RBFOX1: variants seen among roughly 807,000 people sequenced by gnomAD.
RBFOX1 encodes the protein RNA binding protein fox-1 homolog 1.
RBFOX1 carries 8 observed loss-of-function variants against 57.7 expected under a neutral mutation model. The observed-to-expected ratio is 0.14, with a 90% CI of 0.08 to 0.25. The LOEUF (loss-of-function observed/expected upper bound fraction) is 0.25. Among genes scored for constraint, RBFOX1 ranks in the 10% least tolerant of loss-of-function variants. The probability of loss-of-function intolerance (pLI) is 1.00; values close to 1 mark genes in which losing one functional copy is unlikely to be tolerated. For synonymous variants in RBFOX1, 326 were observed against 222.4 expected (o/e 1.47, Z -4.15); for missense variants, 611 against 548.5 (o/e 1.11, Z -1.14).
At chr16:6,159,187 C>T (rs1237849574) in intron 1 of RBFOX1, among the ~76,000 whole-genome samples, 10 of 152,212 alleles carry the variant, frequency 6.6e-5, no homozygotes, top group Admixed American at 3.3e-4. Flanking sequence ...AGCGACTCTC[C>T]TGCCTCGGCC....
chr16:5,899,875 A>C (rs1022881185), intron 4 of RBFOX1, among the ~76,000 whole-genome samples: 1 of 152,114 alleles, frequency 6.6e-6, no homozygotes, highest in Admixed American at 6.5e-5. Context: ...GGAGTTCGAG[A>C]CTAGCCTGGG....
At chr16:7,292,246 T>TATATCATATATC (rs747339632) in intron 4 of RBFOX1, among the ~76,000 whole-genome samples, 11,556 of 95,934 alleles carry the variant, frequency 0.12, 1,279 homozygotes, top group Non-Finnish European at 0.16. Context: ...TTATATATCA[T>TATATCATATATC]ATATATGATA....
intron 4 of RBFOX1, among the ~76,000 whole-genome samples, chr16:7,084,444 G>A (rs2059677642): frequency 6.6e-6 from 1 of 152,122 alleles, no homozygotes; most frequent in Non-Finnish European, 1.5e-5. Flanking sequence ...AATTTGCATG[G>A]ACCTAGTAAT....
chr16:5,433,574 A>G (rs542023952), intron 1 of RBFOX1, among the ~76,000 whole-genome samples: 3 of 152,302 alleles, frequency 2.0e-5, no homozygotes, highest in Non-Finnish European at 1.5e-5. Context: ...AAAGAGAGGG[A>G]CACAAAGAGA....
At chr16:5,728,939 A>G (rs1279794192) in intron 3 of RBFOX1, among the ~76,000 whole-genome samples, 1 of 152,182 alleles carries the variant, frequency 6.6e-6, no homozygotes. Context: ...CTCAACTGAT[A>G]GTGACAAACA....
chr16:7,638,019 C>T (rs954588933), intron 11 of RBFOX1, among the ~76,000 whole-genome samples: 8 of 152,110 alleles, frequency 5.3e-5, no homozygotes, highest in East Asian at 1.9e-4. Flanking sequence ...GTCTGCTCAT[C>T]GTGGATTTAA....
intron 1 of RBFOX1, among the ~76,000 whole-genome samples, chr16:6,232,351 A>G (rs2097469034): frequency 6.6e-6 from 1 of 152,218 alleles, no homozygotes; most frequent in African/African-American, 2.4e-5. Context: ...CTAATTCTCA[A>G]AGAAGGGAGG....
At chr16:5,880,674 C>T (rs1294081317) in intron 4 of RBFOX1, among the ~76,000 whole-genome samples, 1 of 152,110 alleles carries the variant, frequency 6.6e-6, no homozygotes, top group East Asian at 1.9e-4. Flanking sequence ...ATTGTGGATC[C>T]TGCAGATCCT....
rs116733569 is a variant in RBFOX1, at chr16:6,996,272, T to C, written c.-15-55785T>C. The stretch of plus-strand genomic sequence containing the variant: ...TAAATTCATATAAATACAATGATAT[T>C]GAGTATCTCTACTTTAGAATAACAC... On this transcript the variant is annotated intron_variant, in intron 3 of 15. Coordinates refer to ENST00000550418, the MANE Select transcript of RBFOX1 (RefSeq NM_018723.4). 8.8e-3 allele frequency among the ~76,000 whole-genome samples: 1,339 copies of C among 152,310 alleles called. 18 individuals carry two copies. The highest frequency in any genetic ancestry group is 0.03 in the African/African-American group (1,240 of 41,574).
At chr16:5,675,016 G>C (rs956936433) in intron 3 of RBFOX1, among the ~76,000 whole-genome samples, 3 of 152,074 alleles carry the variant, frequency 2.0e-5, no homozygotes, top group African/African-American at 7.2e-5. Context: ...AGCCATGGTG[G>C]TGTATGCCTG....
chr16:6,617,248 A>G (rs780621400), intron 2 of RBFOX1, among the ~76,000 whole-genome samples: 5 of 152,052 alleles, frequency 3.3e-5, no homozygotes, highest in Admixed American at 6.5e-5. Flanking sequence ...AATCAATTAC[A>G]TGAAGCAAAT....
chr16:7,190,937 C>A (rs376157322), intron 4 of RBFOX1, among the ~76,000 whole-genome samples: 3 of 149,994 alleles, frequency 2.0e-5, no homozygotes, highest in South Asian at 4.2e-4. Flanking sequence ...TTTTTTTTTC[C>A]TGGACTTCTC....
At chr16:7,690,712 G>A (rs752949469) in intron 14 of RBFOX1, among the ~76,000 whole-genome samples, 11 of 152,000 alleles carry the variant, frequency 7.2e-5, no homozygotes, top group African/African-American at 1.7e-4. Context: ...GGAGACATTC[G>A]TCTCTTTGAT....
chr16:5,708,925 A>G (rs1210358787), intron 3 of RBFOX1, among the ~76,000 whole-genome samples: 1 of 152,238 alleles, frequency 6.6e-6, no homozygotes, highest in African/African-American at 2.4e-5. Flanking sequence ...GAGCAAGAAG[A>G]GGAATGAAAA....
chr16:7,409,842 T>C (rs915228222), intron 4 of RBFOX1, among the ~76,000 whole-genome samples: 1 of 152,202 alleles, frequency 6.6e-6, no homozygotes, highest in African/African-American at 2.4e-5. Context: ...TGCTTTGATA[T>C]GGCAGAGGCT....
At chr16:6,332,119 A>C (rs779517916) in intron 2 of RBFOX1, among the ~76,000 whole-genome samples, 5 of 152,238 alleles carry the variant, frequency 3.3e-5, no homozygotes, top group Non-Finnish European at 7.3e-5. Flanking sequence ...ACGAATGAAG[A>C]AAGTGCTAAT....
At chr16:5,476,192 T>A (rs1230790521) in intron 2 of RBFOX1, among the ~76,000 whole-genome samples, 2 of 152,160 alleles carry the variant, frequency 1.3e-5, no homozygotes, top group African/African-American at 2.4e-5. Flanking sequence ...AGGCAATGCA[T>A]GTTACATACC....
At chr16:6,531,313 A>G (rs1355877360) in intron 2 of RBFOX1, among the ~76,000 whole-genome samples, 3 of 152,132 alleles carry the variant, frequency 2.0e-5, no homozygotes, top group African/African-American at 4.8e-5. Flanking sequence ...AGCCTCTGGT[A>G]TTTGCAGGTA....
chr16:5,436,894 C>T (rs2067934471), intron 1 of RBFOX1, among the ~76,000 whole-genome samples: 1 of 151,962 alleles, frequency 6.6e-6, no homozygotes, highest in African/African-American at 2.4e-5. Flanking sequence ...TATTTAGTTT[C>T]ATCCCAAGCC....
Sources: allele counts gnomAD v4.1 joint callset (sites outside exome capture counted in the v4.1 genomes callset), GRCh38; gene constraint gnomAD v4.1.1; transcripts MANE v1.5; gene names NCBI Gene and HGNC (gene_info 2026-07-23, HGNC 2026-07-21).